Variants in GNG7 observed in about 807,000 individuals in gnomAD.
GNG7 encodes the protein guanine nucleotide-binding protein G(I)/G(S)/G(O) subunit gamma-7.
In GNG7, 1 loss-of-function variant was observed where a neutral mutation model predicts 4.0. The ratio of observed to expected loss-of-function variants is 0.25; its 90% confidence interval spans 0.09 to 1.18. The LOEUF (loss-of-function observed/expected upper bound fraction) is 1.18. Ranked by LOEUF, GNG7 falls within the 50% of genes most tolerant of loss-of-function variation. The pLI is 0.50. For synonymous variants in GNG7, 34 were observed against 36.9 expected (o/e 0.92, Z 0.29); for missense variants, 86 against 91.9 (o/e 0.94, Z 0.26).
chr19:2,591,143 T>G (rs1980839747), intron 2 of GNG7, among the ~76,000 whole-genome samples: 1 of 152,222 alleles, frequency 6.6e-6, no homozygotes, highest in Non-Finnish European at 1.5e-5. Context: ...ACTCAGCACC[T>G]CACAGAGAAC....
intron 2 of GNG7, among the ~76,000 whole-genome samples, chr19:2,598,142 G>A (rs975865498): frequency 3.9e-5 from 6 of 152,072 alleles, no homozygotes; most frequent in African/African-American, 1.2e-4. Flanking sequence ...CAGCTCTCAC[G>A]GCGACTCTAC....
intron 1 of GNG7, among the ~76,000 whole-genome samples, chr19:2,693,520 C>G (rs1162322425): frequency 1.3e-5 from 2 of 151,998 alleles, no homozygotes; most frequent in African/African-American, 4.8e-5. Flanking sequence ...TACCATCTTC[C>G]AAAGAGTAAC....
rs552179303 is a variant in GNG7, at chr19:2,626,641, C to A, written c.-78+19583G>T. 6.6e-6 allele frequency among the ~76,000 whole-genome samples: 1 copy of A among 152,192 alleles called. No individual in the cohort carries two copies. The highest frequency in any genetic ancestry group is 1.5e-5 in the Non-Finnish European group (1 of 68,030). ...CGAACAAAGCTCCTGGTGTGGGCAC[C>A]TGCTTTCACTCTTGGGCGGTGTTGT... On this transcript the variant is annotated intron_variant, in intron 2 of 4. Coordinates refer to ENST00000382159, the MANE Select transcript of GNG7 (RefSeq NM_052847.3). The surrounding 1 kb of genome is among the most constrained non-coding windows in gnomAD (Gnocchi z 5.0).
chr19:2,598,726 G>T (rs1981110595), intron 2 of GNG7, among the ~76,000 whole-genome samples: 1 of 145,922 alleles, frequency 6.9e-6, no homozygotes, highest in African/African-American at 2.5e-5. Flanking sequence ...TAATAATAAT[G>T]CTACTTGGGC....
At position 2,557,043 on chromosome 19, in the gene GNG7, A is replaced by G. The variant is rs528831105; in HGVS notation, c.-77-1855T>C. The stretch of plus-strand genomic sequence containing the variant: ...CACACACGCACACACAGACACACGC[A>G]CACTCACACACATATGCACGCACAC... On this transcript the variant is annotated intron_variant, in intron 2 of 4. Transcript: ENST00000382159. The surrounding 1 kb of genome is among the most constrained non-coding windows in gnomAD (Gnocchi z 5.1). Among the ~76,000 whole-genome samples, 3,781 of 149,780 alleles carry G rather than the reference A, an allele frequency of 0.025. 71 individuals carry two copies. Among genetic ancestry groups the G allele is most frequent in the Admixed American group, 0.044 (666 of 15,058 alleles).
chr19:2,684,050 G>A (rs1445814011), intron 1 of GNG7, among the ~76,000 whole-genome samples: 2 of 152,080 alleles, frequency 1.3e-5, no homozygotes, highest in Non-Finnish European at 2.9e-5. Context: ...GCCGGGCGCG[G>A]TGGCTCACGC....
At chr19:2,517,306 C>T (rs939766858) in intron 4 of GNG7, among the ~76,000 whole-genome samples, 8 of 152,076 alleles carry the variant, frequency 5.3e-5, no homozygotes, top group Non-Finnish European at 7.4e-5. Context: ...GCTGGGAGTA[C>T]CTGAGTAGCT....
chr19:2,513,481 C>CCGCAGAGGA lies in GNG7; in HGVS notation c.*1532_*1540dup. On this transcript the variant is annotated 3_prime_UTR_variant, in exon 5 of 5. Transcript: ENST00000382159. ...GTGGCTGCACCTGCTCCCGTCCGTG[C>CCGCAGAGGA]CGCAGAGGAGGACGCAGTCATCTTT... 1.0e-6 allele frequency: 1 copy of CCGCAGAGGA among 982,532 alleles called. No individual in the cohort carries two copies. The highest frequency in any genetic ancestry group is 1.2e-6 in the Non-Finnish European group (1 of 827,264). 60.9% of individuals were successfully genotyped at this position (982,532 alleles called of 1,614,324 possible). A position where few individuals can be genotyped will look rare whatever the true frequency, so the allele number is the denominator to read the frequency against.
chr19:2,636,822 G>C (rs1028491336), intron 2 of GNG7, among the ~76,000 whole-genome samples: 1 of 152,088 alleles, frequency 6.6e-6, no homozygotes, highest in Non-Finnish European at 1.5e-5. Flanking sequence ...AGCTTAAAGA[G>C]GGGCTCGGGG....
At chr19:2,667,042 G>A (rs558483148) in intron 1 of GNG7, among the ~76,000 whole-genome samples, 1 of 152,248 alleles carries the variant, frequency 6.6e-6, no homozygotes, top group Admixed American at 6.5e-5. Flanking sequence ...ACACTCATCC[G>A]GGCGCGGTGG....
At chr19:2,584,754 T>A (rs1422527718) in intron 2 of GNG7, among the ~76,000 whole-genome samples, 7 of 7,890 alleles carry the variant, frequency 8.9e-4, no homozygotes, top group African/African-American at 3.9e-3. Flanking sequence ...GAGGGACGGA[T>A]GGAGGGAGGG....
At position 2,555,194 on chromosome 19, in the gene GNG7, T is replaced by TA. The variant is rs1002939252; in HGVS notation, c.-77-7dup. On this transcript the variant is annotated splice_polypyrimidine_tract_variant and splice_region_variant and intron_variant, in intron 2 of 4. Transcript: ENST00000382159. ...ATCACAGCTTGCTGTACACCCTGTT[T>TA]AAAAAAGGAGAGAGAAAGAGAAAAG... The TA allele has an allele frequency of 2.6e-5, 4 of 152,116 alleles. No homozygotes were observed. Among genetic ancestry groups the TA allele is most frequent in the Admixed American group, 2.6e-4 (4 of 15,256 alleles). The allele number at this position is 152,116 out of a possible 1,614,324, so 9.4% of individuals were successfully genotyped here.
intron 3 of GNG7, among the ~76,000 whole-genome samples, chr19:2,525,152 GC>G: frequency 6.6e-6 from 1 of 152,308 alleles, no homozygotes; most frequent in South Asian, 2.1e-4. Flanking sequence ...GCGCACGGGT[GC>G]CGGGCACCCC....
At chr19:2,535,483 G>T (rs781159850) in intron 3 of GNG7, among the ~76,000 whole-genome samples, 1 of 147,354 alleles carries the variant, frequency 6.8e-6, no homozygotes, top group Non-Finnish European at 1.5e-5. Flanking sequence ...CTGGGTGACA[G>T]AGTAAGACCT....
intron 3 of GNG7, among the ~76,000 whole-genome samples, chr19:2,524,994 C>T (rs1978347241): frequency 6.6e-6 from 1 of 151,964 alleles, no homozygotes; most frequent in Non-Finnish European, 1.5e-5. Context: ...ATGCAGTCGC[C>T]TCCCTAAGTC....
chr19:2,642,009 G>A (rs760327193), intron 2 of GNG7: 3 of 152,918 alleles, frequency 2.0e-5, no homozygotes, highest in South Asian at 2.1e-4. Flanking sequence ...TAATAACTGT[G>A]TGGGAGAAGC....
At chr19:2,527,466 A>AGAGGAGGT (rs1978443200) in intron 3 of GNG7, among the ~76,000 whole-genome samples, 1 of 152,062 alleles carries the variant, frequency 6.6e-6, no homozygotes, top group Non-Finnish European at 1.5e-5. Flanking sequence ...TGGGAGGAGG[A>AGAGGAGGT]GAGGAGGTGA....
intron 4 of GNG7, 57 bp downstream of exon 4, chr19:2,520,551 A>G: frequency 1.1e-6 from 1 of 943,868 alleles, no homozygotes; most frequent in Non-Finnish European, 1.7e-6. Flanking sequence ...CCTGTTCATC[A>G]TTTGCGGGGC....
chr19:2,559,053 C>T (rs1979655130), intron 2 of GNG7, among the ~76,000 whole-genome samples: 1 of 151,786 alleles, frequency 6.6e-6, no homozygotes, highest in African/African-American at 2.4e-5. Context: ...CCCACCTTGG[C>T]CCCCCCAAAG....
Sources: allele counts gnomAD v4.1 joint callset (sites outside exome capture counted in the v4.1 genomes callset), GRCh38; gene constraint gnomAD v4.1.1; non-coding constraint Gnocchi (gnomAD v3.1); transcripts MANE v1.5; gene names NCBI Gene and HGNC (gene_info 2026-07-23, HGNC 2026-07-21).